The following UEVLD variants were observed in gnomAD, a reference collection of about 807,000 sequenced individuals.
The protein encoded by UEVLD is ubiquitin-conjugating enzyme E2 variant 3.
A neutral mutation model predicts 58.6 loss-of-function variants in UEVLD; 47 were observed. The ratio of observed to expected loss-of-function variants is 0.80; its 90% CI spans 0.63 to 1.02. The LOEUF is 1.02. UEVLD is among the 50% of genes least tolerant of loss of function. UEVLD has a pLI of 0.00. For synonymous variants in UEVLD, 197 were observed against 195.3 expected (o/e 1.01, Z -0.07); for missense variants, 510 against 550.6 (o/e 0.93, Z 0.74).
At chr11:18,549,705 C>T (rs1335022872) in intron 7 of UEVLD, among the ~76,000 whole-genome samples, 1 of 152,090 alleles carries the variant, frequency 6.6e-6, no homozygotes, top group Admixed American at 6.6e-5. Context: ...AGGCGTAAGC[C>T]ACTGTGCCCA....
chr11:18,552,756 G>T (rs1851583411), intron 7 of UEVLD, among the ~76,000 whole-genome samples: 2 of 151,934 alleles, frequency 1.3e-5, no homozygotes, highest in African/African-American at 2.4e-5. Flanking sequence ...AGCTATTCGG[G>T]AGGCTGGGGC....
intron 3 of UEVLD, among the ~76,000 whole-genome samples, chr11:18,573,843 G>C (rs551332986): frequency 1.2e-4 from 19 of 152,088 alleles, no homozygotes; most frequent in Non-Finnish European, 2.2e-4. Flanking sequence ...AGAAGTCCCC[G>C]CAAATGCAGC....
intron 6 of UEVLD, among the ~76,000 whole-genome samples, chr11:18,560,813 G>A (rs1415280566): frequency 6.6e-6 from 1 of 151,950 alleles, no homozygotes. Context: ...GAGTTTGAGA[G>A]CCCCGTAGCC....
intron 7 of UEVLD, among the ~76,000 whole-genome samples, chr11:18,552,118 G>A (rs35798683): frequency 0.054 from 8,127 of 151,886 alleles, 243 homozygotes; most frequent in Non-Finnish European, 0.065. Flanking sequence ...CCATTCTTAC[G>A]GTACTAAAAA....
At chr11:18,566,244 C>T (rs2134024965) in intron 5 of UEVLD, 103 bp downstream of exon 5, 2 of 1,520,290 alleles carry the variant, frequency 1.3e-6, no homozygotes, top group Non-Finnish European at 1.8e-6. Context: ...TACATACGCA[C>T]ACAAATTTAT....
At chr11:18,570,761 AAAAAG>A (rs1199942940) in intron 3 of UEVLD, 3 of 153,192 alleles carry the variant, frequency 2.0e-5, no homozygotes, top group African/African-American at 7.3e-5. Flanking sequence ...AAAAAAAAAA[AAAAAG>A]AAAAGAAATG....
chr11:18,547,608 C>T (rs566797480), intron 7 of UEVLD, among the ~76,000 whole-genome samples: 1 of 152,078 alleles, frequency 6.6e-6, no homozygotes, highest in South Asian at 2.1e-4. Flanking sequence ...AACCTACAAA[C>T]AAGAACTGAG....
chr11:18,534,394 G>A lies in UEVLD; in HGVS notation c.1184C>T (p.Ala395Val). ...GTTTACAATACTGTCAACCATGTCA[G>A]CTACTGATAGTCCAACAGACCAGGA... ...QRSWSVGLSV[A>V]DMVDSIVNNK... is the part of the protein sequence containing the mutation. Residue 395 changes from alanine to valine, a missense_variant, in exon 11 of 12, where the codon GCT becomes GTT. Ala to Val is a moderately conservative substitution (Grantham distance 64). Transcript: ENST00000396197. The A allele has an allele frequency of 1.3e-6, 2 of 1,579,622 alleles. No individual in the cohort carries two copies. Among genetic ancestry groups the A allele is most frequent in the Non-Finnish European group, 1.7e-6 (2 of 1,168,876 alleles).
intron 7 of UEVLD, among the ~76,000 whole-genome samples, chr11:18,551,994 C>G (rs568628175): frequency 6.6e-6 from 1 of 152,284 alleles, no homozygotes; most frequent in African/African-American, 2.4e-5. Flanking sequence ...AACTCTGTAT[C>G]AAATAATGAT....
rs1034039256 is a variant in UEVLD at position 18,531,458 on chromosome 11, G to A, written c.*862C>T. 1.3e-5 allele frequency: 2 copies of A among 152,110 alleles called. No individual in the cohort carries two copies. 9.4% of individuals were successfully genotyped at this position (152,110 alleles called of 1,614,324 possible). On this transcript the variant is annotated 3_prime_UTR_variant, in exon 12 of 12. Coordinates refer to ENST00000396197, the MANE Select transcript of UEVLD (RefSeq NM_001040697.4). ...TACTCTGAACTGTATCATCAGGAGA[G>A]GTTAAAGGATTTGCTCAGAACAAAT...
intron 2 of UEVLD, among the ~76,000 whole-genome samples, chr11:18,576,736 G>A (rs926466581): frequency 6.6e-6 from 1 of 151,928 alleles, no homozygotes; most frequent in East Asian, 1.9e-4. Context: ...CCCAACCCGG[G>A]AAGTGACCTA....
intron 9 of UEVLD, among the ~76,000 whole-genome samples, chr11:18,543,595 C>G (rs1290669962): frequency 6.6e-6 from 1 of 152,210 alleles, no homozygotes; most frequent in Non-Finnish European, 1.5e-5. Context: ...TCATAAGTAT[C>G]TAAGCACTGT....
rs768382560 is a variant in UEVLD at position 18,532,278 on chromosome 11, C to G, written c.*42G>C. On this transcript the variant is annotated 3_prime_UTR_variant, in exon 12 of 12. Transcript: ENST00000396197. ...ATATAGGTAAAATTAAATGACTTTT[C>G]CCTTTAGGTAGAAGTCCAGCCTCTC... The G allele has an allele frequency of 3.0e-5, 46 of 1,535,280 alleles. No homozygotes were observed. The highest frequency in any genetic ancestry group is 1.1e-4 in the Admixed American group (5 of 47,060).
chr11:18,557,659 G>A (rs1407217022), intron 7 of UEVLD, among the ~76,000 whole-genome samples: 1 of 151,312 alleles, frequency 6.6e-6, no homozygotes, highest in East Asian at 1.9e-4. Flanking sequence ...GAACACCTGG[G>A]CTCAAGTAAT....
intron 9 of UEVLD, chr11:18,536,883 A>C (rs1463840164): frequency 5.5e-6 from 1 of 180,596 alleles, no homozygotes; most frequent in Non-Finnish European, 1.1e-5. Context: ...ACAGAGGCAG[A>C]GAATCCTGTT....
At chr11:18,558,433 T>TAAAAGACAGTGTATGAG in intron 6 of UEVLD, 103 bp from the exon 7 acceptor site, 2 of 583,552 alleles carry the variant, frequency 3.4e-6, no homozygotes, top group Non-Finnish European at 5.7e-6. Flanking sequence ...CCTCATACAC[T>TAAAAGACAGTGTATGAG]GTCTTTTAGT....
chr11:18,539,755 A>T (rs574495898), intron 9 of UEVLD, among the ~76,000 whole-genome samples: 3 of 152,322 alleles, frequency 2.0e-5, no homozygotes, highest in Admixed American at 6.5e-5. Flanking sequence ...AGGAGGCATG[A>T]GAGTGCATAA....
At chr11:18,574,623 A>T (rs1243014481) in intron 3 of UEVLD, among the ~76,000 whole-genome samples, 1 of 152,238 alleles carries the variant, frequency 6.6e-6, no homozygotes, top group Non-Finnish European at 1.5e-5. Flanking sequence ...AGTTAAGTGT[A>T]AGAAAAGTCA....
At chr11:18,554,079 A>G (rs1029834398) in intron 7 of UEVLD, among the ~76,000 whole-genome samples, 1 of 152,180 alleles carries the variant, frequency 6.6e-6, no homozygotes, top group African/African-American at 2.4e-5. Context: ...CTCCTAAAGC[A>G]ACTACTCTTA....
Sources: gnomAD v4.1 joint callset for allele counts (sites outside exome capture counted in the v4.1 genomes callset) on GRCh38, gnomAD v4.1.1 for gene constraint, MANE v1.5 for transcripts, NCBI Gene and HGNC (gene_info 2026-07-23, HGNC 2026-07-21) for gene names.